HENMT1: variants seen among roughly 807,000 people sequenced by gnomAD.
HENMT1 encodes the protein small RNA 2'-O-methyltransferase.
In HENMT1, 27 loss-of-function variants were observed where a neutral mutation model predicts 31.1. That is an observed-to-expected ratio of 0.87 (90% CI 0.64 to 1.20). The LOEUF is 1.20. HENMT1 is among the 50% of genes most tolerant of loss of function. The pLI is 0.00. For missense variants in HENMT1, 438 were observed against 469.6 expected, an observed-to-expected ratio of 0.93 and a Z score of 0.62; for synonymous variants, 167 against 172.2, an observed-to-expected ratio of 0.97 and a Z score of 0.24.
chr1:108,661,040 C>G lies in HENMT1; in HGVS notation c.-156G>C, dbSNP rs1425431911. 1 of 982,750 alleles carries G rather than the reference C, an allele frequency of 1.0e-6. No homozygotes were observed. The highest frequency in any genetic ancestry group is 1.2e-6 in the Non-Finnish European group (1 of 827,664). The allele number at this position is 982,750 out of a possible 1,614,324, so 60.9% of individuals were successfully genotyped here. ...TAAGCAGCATGCCCAACCGAAAAAA[C>G]AAAGCTCGTCGCGGAGCCGCCAGCG... On this transcript the variant is annotated 5_prime_UTR_variant, in exon 1 of 8. Transcript: ENST00000651461.
Position 108,648,465 on chromosome 1 carries a change from C to T in HENMT1, c.*101G>A, listed in dbSNP as rs1657939715. ...TGGAACATAGACTTTTGCAGTGAAA[C>T]TTTAAAAACATTACTTGAATTAGGA... is the stretch of plus-strand genomic sequence containing the variant. On this transcript the variant is annotated 3_prime_UTR_variant, in exon 8 of 8. Transcript: ENST00000651461. The T allele has an allele frequency of 9.6e-7, 1 of 1,039,808 alleles. No homozygotes were observed. Among genetic ancestry groups the T allele is most frequent in the Non-Finnish European group, 1.4e-6 (1 of 726,178 alleles). 64.4% of individuals were successfully genotyped at this position (1,039,808 alleles called of 1,614,324 possible).
chr1:108,658,150 A>C (rs1658324155), intron 2 of HENMT1, among the ~76,000 whole-genome samples: 2 of 147,858 alleles, frequency 1.4e-5, no homozygotes, highest in African/African-American at 5.2e-5. Flanking sequence ...TTTTCCCCCC[A>C]AGACGGAGTC....
Position 108,650,233 on chromosome 1 carries a change from T to C in HENMT1, c.734A>G (p.His245Arg), listed in dbSNP as rs777422098. The change falls in exon 7 of 8, where the codon CAT becomes CGT. Residue 245 changes from histidine (H) to arginine (R), a missense_variant. By Grantham distance (29) the His-to-Arg change is conservative (BLOSUM62 0). Coordinates refer to ENST00000651461, the MANE Select transcript of HENMT1 (RefSeq NM_001102592.2). ...KATESCLSEQ[H>R]DQHVYKAVFT... ...CACAGCTTTATAAACATGCTGATCA[T>C]GCTGCTCTGAAAGACATGATTCTGT... 13 of 1,614,090 alleles carry C rather than the reference T, an allele frequency of 8.1e-6. No homozygotes were observed. The highest frequency in any genetic ancestry group is 1.1e-5 in the South Asian group (1 of 91,086).
At chr1:108,660,121 C>CAAA (rs34387673) in intron 1 of HENMT1, among the ~76,000 whole-genome samples, 159 bp from the exon 2 acceptor site, 89 of 125,830 alleles carry the variant, frequency 7.1e-4, no homozygotes, top group East Asian at 1.6e-3. Context: ...TCTGAGTACT[C>CAAA]AAAAAAAAAA....
upstream of HENMT1, chr1:108,661,117 G>T: frequency 1.9e-6 from 1 of 518,416 alleles, no homozygotes; most frequent in Non-Finnish European, 2.5e-6. Flanking sequence ...CTCGCTGCGT[G>T]ACGCTACCGC....
At chr1:108,654,241 A>G (rs1366708588) in intron 5 of HENMT1, among the ~76,000 whole-genome samples, 1 of 152,116 alleles carries the variant, frequency 6.6e-6, no homozygotes, top group East Asian at 1.9e-4. Context: ...CCATTGGTCT[A>G]TGTCTCTGTT....
chr1:108,649,211 C>A, intron 7 of HENMT1: 1 of 632,754 alleles, frequency 1.6e-6, no homozygotes, highest in Admixed American at 2.3e-5. Flanking sequence ...TGCCCAATGT[C>A]TCCCAGCCAG....
intron 3 of HENMT1, among the ~76,000 whole-genome samples, chr1:108,656,232 A>T (rs1439338697): frequency 6.6e-6 from 1 of 152,212 alleles, no homozygotes; most frequent in African/African-American, 2.4e-5. Context: ...GGCTACAAAG[A>T]TATAAACTAA....
At position 108,653,267 on chromosome 1, in the gene HENMT1, C is replaced by T. The variant is rs571872571; in HGVS notation, c.398+1449G>A. Among the ~76,000 whole-genome samples the T allele has an allele frequency of 8.5e-5, 13 of 152,200 alleles. No individual in the cohort carries two copies. In the South Asian group the frequency reaches 1.5e-3, roughly 17 times the overall value. ...CTGACCTCAGGTGATCCACCTGCCT[C>T]GGCCTCCCAAAGTGCTGGGATTACA... On this transcript the variant is annotated intron_variant, in intron 5 of 7. Coordinates refer to ENST00000651461, the MANE Select transcript of HENMT1 (RefSeq NM_001102592.2).
In HENMT1 at chr1:108,654,773, G is replaced by A; in HGVS notation, c.341C>T (p.Ser114Phe). 6.2e-7 allele frequency: 1 copy of A among 1,614,046 alleles called. No individual in the cohort carries two copies. Among genetic ancestry groups the A allele is most frequent in the Non-Finnish European group, 8.5e-7 (1 of 1,179,964 alleles). ...CAAACGAGAGTCTCTCTCCACAACG[G>A]AGCCATGATACAATGTGATGGTCAA... ...LNLTITLYHG[S>F]VVERDSRLLG... The change falls in exon 5 of 8, where the codon TCC becomes TTC. Residue 114 changes from serine (S) to phenylalanine (F), a missense_variant. By Grantham distance (155) the Ser-to-Phe change is radical (BLOSUM62 -2). Transcript: ENST00000651461.
At position 108,648,365 on chromosome 1, in the gene HENMT1, C is replaced by G; in HGVS notation, c.*201G>C. 2 of 538,674 alleles carry G rather than the reference C, an allele frequency of 3.7e-6. No individual in the cohort carries two copies. Among genetic ancestry groups the G allele is most frequent in the East Asian group, 6.1e-5 (2 of 32,928 alleles). The allele number at this position is 538,674 out of a possible 1,614,324, so 33.4% of individuals were successfully genotyped here. ...AAAGTCCAAAATCAAAGGAAAGCAC[C>G]CGTTTTAAACCCTCATATCTTTCTC... On this transcript the variant is annotated 3_prime_UTR_variant, in exon 8 of 8. Coordinates refer to ENST00000651461, the MANE Select transcript of HENMT1 (RefSeq NM_001102592.2).
At chr1:108,661,405 G>A (rs1323596654), upstream of HENMT1, 1 of 152,290 alleles carries the variant, frequency 6.6e-6, no homozygotes, top group African/African-American at 2.4e-5. Context: ...GACGCGGCAC[G>A]GTACGGCAGC....
chr1:108,652,730 G>A (rs1658092298), intron 5 of HENMT1, among the ~76,000 whole-genome samples: 1 of 152,078 alleles, frequency 6.6e-6, no homozygotes, highest in Non-Finnish European at 1.5e-5. Flanking sequence ...AGATTACGAG[G>A]TCAGGGGTTC....
At chr1:108,651,630 C>CA (rs1258274613) in intron 5 of HENMT1, among the ~76,000 whole-genome samples, 1 of 146,576 alleles carries the variant, frequency 6.8e-6, no homozygotes, top group Non-Finnish European at 1.5e-5. Context: ...GGGTGACAAG[C>CA]AAAACTCAGT....
At position 108,655,771 on chromosome 1, in the gene HENMT1, GGAGGA is replaced by G. The variant is rs1658217695; in HGVS notation, c.151-78_151-74del. 7 of 835,676 alleles carry G rather than the reference GGAGGA, an allele frequency of 8.4e-6. No homozygotes were observed. In the Middle Eastern group the frequency reaches 1.1e-3, roughly 136 times the overall value. 51.8% of individuals were successfully genotyped at this position (835,676 alleles called of 1,614,324 possible). ...AGTATGATCAAAAACTTTTTTTTGAGGAGGAGAGAGTGGAGTATATATCAGTAATA... is the reference window on the plus strand; with the variant it reads ...AGTATGATCAAAAACTTTTTTTTGAGGAGAGTGGAGTATATATCAGTAATA... On this transcript the variant is annotated intron_variant, in intron 3 of 7. Coordinates refer to ENST00000651461, the MANE Select transcript of HENMT1 (RefSeq NM_001102592.2).
At chr1:108,658,518 C>T (rs148864589) in intron 2 of HENMT1, among the ~76,000 whole-genome samples, 5 of 152,300 alleles carry the variant, frequency 3.3e-5, no homozygotes, top group African/African-American at 9.6e-5. Flanking sequence ...CCTCTGGCCT[C>T]GGCCTCCTGA....
chr1:108,651,607 T>G (rs1658056437), intron 5 of HENMT1, among the ~76,000 whole-genome samples: 1 of 151,572 alleles, frequency 6.6e-6, no homozygotes, highest in Non-Finnish European at 1.5e-5. Flanking sequence ...ATTGCACCAT[T>G]GCTCTCCAGC....
chr1:108,658,741 TG>T (rs1658346768), intron 2 of HENMT1, among the ~76,000 whole-genome samples: 1 of 152,232 alleles, frequency 6.6e-6, no homozygotes, highest in African/African-American at 2.4e-5. Flanking sequence ...TCACCCTATC[TG>T]GTCAAATTCT....
rs1457214332 is a variant in HENMT1, at chr1:108,651,262, T to C, written c.399-53A>G. The C allele has an allele frequency of 3.5e-6, 5 of 1,434,604 alleles. No individual in the cohort carries two copies. In the African/African-American group the frequency reaches 4.3e-5, roughly 12 times the overall value. 88.9% of individuals were successfully genotyped at this position (1,434,604 alleles called of 1,614,324 possible). Reference sequence around the variant, plus strand: ...TAAAATCTAGCTTCACTTGCACCTATTTTTCTAATTGATTTATCAAAAACA... The same window carrying C: ...TAAAATCTAGCTTCACTTGCACCTACTTTTCTAATTGATTTATCAAAAACA... On this transcript the variant is annotated intron_variant, in intron 5 of 7. Transcript: ENST00000651461.
Sources: allele counts gnomAD v4.1 joint callset (sites outside exome capture counted in the v4.1 genomes callset), GRCh38; gene constraint gnomAD v4.1.1; transcripts MANE v1.5; gene names NCBI Gene and HGNC (gene_info 2026-07-23, HGNC 2026-07-21).